The following EYS variants were observed in gnomAD, a reference collection of about 807,000 sequenced individuals.
EYS encodes the protein EGF-like photoreceptor maintenance factor.
A neutral mutation model predicts 282.1 loss-of-function variants in EYS; 250 were observed. The ratio of observed to expected loss-of-function variants is 0.89; its 90% CI spans 0.80 to 0.98. The LOEUF (loss-of-function observed/expected upper bound fraction) is 0.98, where lower values mean the gene tolerates loss of function less well. EYS is among the 50% of genes least tolerant of loss of function. The pLI is 0.00. For missense variants in EYS, 4,016 were observed against 3,709.0 expected (o/e 1.08, Z -2.15); for synonymous variants, 1,355 against 1,282.9 (o/e 1.06, Z -1.20).
intron 5 of EYS, among the ~76,000 whole-genome samples, chr6:65,468,785 C>A (rs1582336375): frequency 6.6e-6 from 1 of 152,108 alleles, no homozygotes; most frequent in South Asian, 2.1e-4. Context: ...GTGATTGTTA[C>A]ATTTCAAGAA....
chr6:65,006,177 T>A (rs1351381847), intron 13 of EYS, among the ~76,000 whole-genome samples: 1 of 151,494 alleles, frequency 6.6e-6, no homozygotes, highest in African/African-American at 2.4e-5. Context: ...GGGCCCCAAG[T>A]TTGTAATGGC....
At chr6:64,905,960 G>A (rs1313632935) in intron 16 of EYS, among the ~76,000 whole-genome samples, 2 of 151,394 alleles carry the variant, frequency 1.3e-5, no homozygotes, top group Non-Finnish European at 3.0e-5. Context: ...ACTTAAAAAT[G>A]TTTTTCTTTC....
At position 63,894,567 on chromosome 6, in the gene EYS, G is replaced by GT. The variant is rs940291324; in HGVS notation, c.7056-30210dup. The stretch of plus-strand genomic sequence containing the variant: ...GAACTGGGAGGGCATAAAATCTGTT[G>GT]TTTTTTTTTGTTTGTTTGTTTGTTT... On this transcript the variant is annotated intron_variant, in intron 35 of 42. Transcript: ENST00000503581. 6.1e-5 allele frequency among the ~76,000 whole-genome samples: 9 copies of GT among 148,532 alleles called. No individual in the cohort carries two copies. The South Asian group carries it at 6.4e-4, about 11-fold the overall frequency.
At chr6:64,003,219 A>G (rs1425748725) in intron 33 of EYS, among the ~76,000 whole-genome samples, 1 of 152,188 alleles carries the variant, frequency 6.6e-6, no homozygotes, top group Admixed American at 6.5e-5. Flanking sequence ...AGAAAGACAA[A>G]CTTTCTCACT....
At chr6:64,295,686 G>A (rs939403343) in intron 30 of EYS, among the ~76,000 whole-genome samples, 3 of 145,028 alleles carry the variant, frequency 2.1e-5, no homozygotes, top group African/African-American at 7.7e-5. Flanking sequence ...CTGAGATCGC[G>A]CCGCTGCACT....
At chr6:64,900,134 G>T (rs1475190305) in intron 18 of EYS, among the ~76,000 whole-genome samples, 3 of 152,136 alleles carry the variant, frequency 2.0e-5, no homozygotes, top group African/African-American at 7.2e-5. Flanking sequence ...ATGGGGAAAG[G>T]ATTCCCTATT....
intron 10 of EYS, among the ~76,000 whole-genome samples, chr6:65,338,774 C>T (rs575879792): frequency 6.6e-6 from 1 of 151,054 alleles, no homozygotes; most frequent in Non-Finnish European, 1.5e-5. Flanking sequence ...GCTGGAAATT[C>T]CCTTTTTGAT....
intron 14 of EYS, among the ~76,000 whole-genome samples, chr6:64,965,657 T>C (rs542652738): frequency 6.6e-6 from 1 of 152,220 alleles, no homozygotes; most frequent in African/African-American, 2.4e-5. Context: ...ACTTTTTTCA[T>C]TTATTTTATA....
rs183971683 is a variant in EYS at position 65,682,597 on chromosome 6, A to G, written c.-448+24538T>C. On this transcript the variant is annotated intron_variant, in intron 1 of 42. Coordinates refer to ENST00000503581, the MANE Select transcript of EYS (RefSeq NM_001142800.2). Reference sequence around the variant, plus strand: ...AATACAGTGTTCAACAAACATTTTTATAGATTGCCTAATATATATCACATG... The same window carrying G: ...AATACAGTGTTCAACAAACATTTTTGTAGATTGCCTAATATATATCACATG... 1.8e-4 allele frequency among the ~76,000 whole-genome samples: 27 copies of G among 152,106 alleles called. 1 individual carries two copies. The East Asian group carries it at 4.7e-3, about 26-fold the overall frequency.
At chr6:63,851,598 GAAAT>G (rs1175399212) in intron 36 of EYS, among the ~76,000 whole-genome samples, 2 of 152,090 alleles carry the variant, frequency 1.3e-5, no homozygotes, top group Non-Finnish European at 2.9e-5. Context: ...AATTAAGGCA[GAAAT>G]AAATAAGTTA....
At chr6:64,385,090 C>A (rs1772866043) in intron 29 of EYS, among the ~76,000 whole-genome samples, 1 of 152,122 alleles carries the variant, frequency 6.6e-6, no homozygotes, top group Non-Finnish European at 1.5e-5. Context: ...TGTGCTTAAA[C>A]AGCTTTTAAT....
chr6:64,858,877 A>G (rs1406124777), intron 19 of EYS, among the ~76,000 whole-genome samples: 10 of 152,172 alleles, frequency 6.6e-5, no homozygotes, highest in Admixed American at 6.5e-4. Context: ...TATAGCTAAC[A>G]TCATTCTCAA....
chr6:64,837,689 A>ATG (rs1765429831), intron 19 of EYS, among the ~76,000 whole-genome samples: 1 of 146,998 alleles, frequency 6.8e-6, no homozygotes, highest in Non-Finnish European at 1.5e-5. Context: ...TATAGGATAT[A>ATG]TATATATATG....
chr6:63,858,753 G>C, intron 36 of EYS, among the ~76,000 whole-genome samples: 1 of 152,152 alleles, frequency 6.6e-6, no homozygotes, highest in East Asian at 1.9e-4. Context: ...GTTGAACGGT[G>C]GGGCAATCAA....
At chr6:63,841,944 C>G (rs1771971427) in intron 36 of EYS, among the ~76,000 whole-genome samples, 1 of 152,102 alleles carries the variant, frequency 6.6e-6, no homozygotes, top group Non-Finnish European at 1.5e-5. Context: ...TGAACTCATT[C>G]TTTTTTTATG....
chr6:64,720,814 C>A (rs1226797649), intron 22 of EYS, among the ~76,000 whole-genome samples: 1 of 152,184 alleles, frequency 6.6e-6, no homozygotes, highest in East Asian at 1.9e-4. Context: ...CATATAACTA[C>A]CTATCTATTT....
chr6:64,309,963 A>AG (rs558233139), intron 29 of EYS, among the ~76,000 whole-genome samples: 61 of 16,224 alleles, frequency 3.8e-3, no homozygotes, highest in African/African-American at 0.012. Context: ...GACTCCATGA[A>AG]AAAAAAAAAA....
intron 29 of EYS, among the ~76,000 whole-genome samples, chr6:64,310,075 A>T (rs934137815): frequency 6.9e-5 from 9 of 130,862 alleles, no homozygotes; most frequent in Non-Finnish European, 9.9e-5. Flanking sequence ...AAAATAAAAA[A>T]AAAAATAACA....
chr6:65,244,722 C>T (rs1220601738), intron 12 of EYS, among the ~76,000 whole-genome samples: 1 of 151,260 alleles, frequency 6.6e-6, no homozygotes, highest in Admixed American at 6.6e-5. Flanking sequence ...CGGGGTTTCA[C>T]CGTGTTAGCT....
Sources: gnomAD v4.1 joint callset for allele counts (sites outside exome capture counted in the v4.1 genomes callset) on GRCh38, gnomAD v4.1.1 for gene constraint, MANE v1.5 for transcripts, NCBI Gene and HGNC (gene_info 2026-07-23, HGNC 2026-07-21) for gene names.